Variants in MTX2 observed in about 807,000 individuals in gnomAD.
The protein encoded by MTX2 is metaxin 2.
In MTX2, 35 loss-of-function variants were observed where a neutral mutation model predicts 42.3. The observed-to-expected ratio is 0.83, with a 90% CI of 0.63 to 1.10. The LOEUF is 1.10. Among genes scored for constraint, MTX2 ranks in the 50% least tolerant of loss-of-function variants. The pLI is 0.00. For synonymous variants in MTX2, 119 were observed against 100.9 expected, an observed-to-expected ratio of 1.18 and a Z score of -1.08; for missense variants, 307 against 304.1, an observed-to-expected ratio of 1.01 and a Z score of -0.07.
intron 3 of MTX2, 32 bp downstream of exon 3, chr2:176,297,927 AC>A: frequency 6.7e-7 from 1 of 1,499,370 alleles, no homozygotes; most frequent in East Asian, 2.4e-5. Context: ...TATCTTTTTC[AC>A]CCCCTAGGTG....
intron 1 of MTX2, among the ~76,000 whole-genome samples, chr2:176,275,160 T>G (rs1692917933): frequency 6.6e-6 from 1 of 152,236 alleles, no homozygotes; most frequent in Non-Finnish European, 1.5e-5. Context: ...ACTGTTCTTT[T>G]AGCTTAATAT....
chr2:176,278,721 A>G (rs1422604002), intron 1 of MTX2, among the ~76,000 whole-genome samples: 1 of 152,198 alleles, frequency 6.6e-6, no homozygotes, highest in Non-Finnish European at 1.5e-5. Context: ...TGGACTGAAG[A>G]TATCAAATAG....
At chr2:176,290,314 C>G (rs980943240) in intron 1 of MTX2, among the ~76,000 whole-genome samples, 1 of 152,124 alleles carries the variant, frequency 6.6e-6, no homozygotes, top group African/African-American at 2.4e-5. Context: ...CTCACTAATT[C>G]ATGTGTGTTC....
chr2:176,330,415 T>C (rs565533497), intron 8 of MTX2, among the ~76,000 whole-genome samples, 169 bp from the exon 9 acceptor site: 2 of 149,916 alleles, frequency 1.3e-5, no homozygotes, highest in South Asian at 4.2e-4. Flanking sequence ...ATTTCTTATA[T>C]AGAAAGTATT....
At position 176,333,317 on chromosome 2, in the gene MTX2, G is replaced by A. The variant is rs868385384; in HGVS notation, c.620+2657G>A. Among the ~76,000 whole-genome samples the A allele has an allele frequency of 2.0e-5, 3 of 151,446 alleles. No individual in the cohort carries two copies. In the South Asian group the frequency reaches 6.2e-4, roughly 31 times the overall value. ...TATAGCAAGATAATTAAAATTGGAGGTATATGAAGATCTTGACTTGATTAA... is the reference window on the plus strand; with the variant it reads ...TATAGCAAGATAATTAAAATTGGAGATATATGAAGATCTTGACTTGATTAA... On this transcript the variant is annotated intron_variant, in intron 9 of 9. Transcript: ENST00000249442.
chr2:176,287,990 T>C (rs1693246767), intron 1 of MTX2, among the ~76,000 whole-genome samples: 1 of 104,840 alleles, frequency 9.5e-6, no homozygotes, highest in Non-Finnish European at 2.1e-5. Context: ...TAAACACTGA[T>C]CTCTGACTAT....
chr2:176,332,486 G>T (rs2105448139), intron 9 of MTX2, among the ~76,000 whole-genome samples: 1 of 151,298 alleles, frequency 6.6e-6, no homozygotes, highest in South Asian at 2.1e-4. Flanking sequence ...CCTAAAATTA[G>T]AATTAACCCC....
intron 3 of MTX2, among the ~76,000 whole-genome samples, chr2:176,302,036 A>G (rs562782004): frequency 2.6e-5 from 4 of 152,098 alleles, no homozygotes; most frequent in South Asian, 2.1e-4. Context: ...TAGAAGTCCA[A>G]TGTGCTAGCC....
At chr2:176,329,059 A>G (rs1391317291) in intron 7 of MTX2, 147 bp downstream of exon 7, 7 of 886,158 alleles carry the variant, frequency 7.9e-6, no homozygotes, top group Non-Finnish European at 1.2e-5. Context: ...TTGCTTGCAC[A>G]TAACATTTTA....
At chr2:176,311,692 C>T (rs754319573) in intron 3 of MTX2, among the ~76,000 whole-genome samples, 27 of 152,206 alleles carry the variant, frequency 1.8e-4, no homozygotes, top group East Asian at 3.9e-4. Flanking sequence ...GCTCTGTGGG[C>T]GTGGGAGCCA....
chr2:176,314,246 G>A (rs1360393413), intron 3 of MTX2, among the ~76,000 whole-genome samples: 5 of 151,998 alleles, frequency 3.3e-5, no homozygotes, highest in East Asian at 3.9e-4. Flanking sequence ...GACCAGCCTG[G>A]CCAACATGGC....
intron 3 of MTX2, among the ~76,000 whole-genome samples, chr2:176,302,995 C>T (rs1331717379): frequency 6.6e-6 from 1 of 152,118 alleles, no homozygotes; most frequent in Non-Finnish European, 1.5e-5. Context: ...TGTGAAAATA[C>T]AGCTGCTGTA....
At chr2:176,304,578 TATAG>T (rs1271550179) in intron 3 of MTX2, among the ~76,000 whole-genome samples, 2 of 152,032 alleles carry the variant, frequency 1.3e-5, no homozygotes, top group Non-Finnish European at 2.9e-5. Flanking sequence ...TGAATTATTT[TATAG>T]ATAGATTTGT....
At chr2:176,282,844 C>A (rs1479823388) in intron 1 of MTX2, among the ~76,000 whole-genome samples, 2 of 151,940 alleles carry the variant, frequency 1.3e-5, no homozygotes, top group African/African-American at 4.8e-5. Flanking sequence ...GCTGGGATTA[C>A]AGGCATGCAC....
intron 1 of MTX2, chr2:176,270,380 AC>A: frequency 1.5e-6 from 2 of 1,363,742 alleles, no homozygotes; most frequent in Non-Finnish European, 2.0e-6. Context: ...TTAAAGAAAT[AC>A]TTTTGAGTCG....
At chr2:176,279,666 C>T (rs1352423148) in intron 1 of MTX2, among the ~76,000 whole-genome samples, 1 of 151,870 alleles carries the variant, frequency 6.6e-6, no homozygotes, top group African/African-American at 2.4e-5. Flanking sequence ...TTGGCTAGTC[C>T]AGGAGAACTA....
intron 1 of MTX2, among the ~76,000 whole-genome samples, chr2:176,278,810 G>A (rs1240572643): frequency 2.6e-5 from 4 of 151,988 alleles, no homozygotes; most frequent in Non-Finnish European, 5.9e-5. Context: ...TCCAGCTATA[G>A]ACATTCATAT....
intron 1 of MTX2, among the ~76,000 whole-genome samples, chr2:176,276,417 A>G (rs906639085): frequency 6.6e-6 from 1 of 152,172 alleles, no homozygotes; most frequent in Admixed American, 6.5e-5. Context: ...ATTGCTAATA[A>G]TAACAATTTG....
chr2:176,332,814 A>G (rs1684892664), intron 9 of MTX2, among the ~76,000 whole-genome samples: 1 of 151,458 alleles, frequency 6.6e-6, no homozygotes, highest in Non-Finnish European at 1.5e-5. Context: ...AAACACTCAG[A>G]CAAAATTAAT....
Sources: gnomAD v4.1 joint callset for allele counts (sites outside exome capture counted in the v4.1 genomes callset) on GRCh38, gnomAD v4.1.1 for gene constraint, MANE v1.5 for transcripts, NCBI Gene and HGNC (gene_info 2026-07-23, HGNC 2026-07-21) for gene names.